DCTN1: variants seen among roughly 807,000 people sequenced by gnomAD.
DCTN1 encodes 150 kDa dynein-associated polypeptide.
A neutral mutation model predicts 161.2 loss-of-function variants in DCTN1; 61 were observed. The observed-to-expected ratio is 0.38, with a 90% confidence interval of 0.31 to 0.47. DCTN1 has a LOEUF of 0.47. DCTN1 is among the 20% of genes least tolerant of loss of function. DCTN1 has a pLI of 0.99. For synonymous variants in DCTN1, 653 were observed against 632.4 expected (o/e 1.03, Z -0.49); for missense variants, 1,404 against 1,623.7 (o/e 0.86, Z 2.33).
At position 74,367,953 on chromosome 2, in the gene DCTN1, G is replaced by A; in HGVS notation, c.2015+18C>T. The A allele has an allele frequency of 1.2e-6, 2 of 1,614,216 alleles. No homozygotes were observed. The highest frequency in any genetic ancestry group is 2.2e-5 in the South Asian group (2 of 91,082). ...CCTGGACCCCCACCCTGGGGTGAGG[G>A]AGTCAGGAGTCACTTACTGCTCATA... On this transcript the variant is annotated intron_variant, in intron 17 of 31. Transcript: ENST00000628224.
At position 74,366,846 on chromosome 2, in the gene DCTN1, G is replaced by C. The variant is rs1674451242; in HGVS notation, c.2403C>G (p.Ile801Met). 8 of 1,614,106 alleles carry C rather than the reference G, an allele frequency of 5.0e-6. No homozygotes were observed. Among genetic ancestry groups the C allele is most frequent in the Admixed American group, 1.7e-5 (1 of 60,004 alleles). ...CATCTGTCCCTGGCATTCGCCTTCG[G>C]ATCTTCTTGCAGAACTGGCGGATGT... Reference protein sequence around the residue: ...CSDIRQFCKKIRRRMPGTDAP... With the variant: ...CSDIRQFCKKMRRRMPGTDAP... Residue 801 changes from isoleucine (I) to methionine (M), a missense_variant, in exon 21 of 32, where the codon ATC becomes ATG. Physicochemically the swap from Ile to Met is conservative, Grantham distance 10. Coordinates refer to ENST00000628224, the MANE Select transcript of DCTN1 (RefSeq NM_004082.5).
Position 74,361,241 on chromosome 2 carries a change from A to C in DCTN1, c.*258T>G. 2 of 620,712 alleles carry C rather than the reference A, an allele frequency of 3.2e-6. No individual in the cohort carries two copies. The highest frequency in any genetic ancestry group is 3.3e-5 in the East Asian group (1 of 29,874). 38.5% of individuals were successfully genotyped at this position (620,712 alleles called of 1,614,324 possible). ...ACCTTTGGTGGTGGGGTCTCAGCCT[A>C]CCCCCCACAAGCCCTGAGGCCCCTC... On this transcript the variant is annotated 3_prime_UTR_variant, in exon 32 of 32. Transcript: ENST00000628224.
chr2:74,370,231 C>T lies in DCTN1; in HGVS notation c.1242G>A (p.Glu414=), dbSNP rs1313572246. 1 of 1,614,022 alleles carries T rather than the reference C, an allele frequency of 6.2e-7. No homozygotes were observed. Among genetic ancestry groups the T allele is most frequent in the African/African-American group, 1.3e-5 (1 of 75,062 alleles). The stretch of plus-strand genomic sequence containing the variant: ...TGGTGCTCTCTGCCTGGCTTAGCTC[C>T]TCCTGCAGACGCTCCCGCTGTTGCC... ...VVRQQRERLQ[E]ELSQAESTID... is the part of the protein sequence containing the mutation. Residue 414 remains glutamate, a synonymous_variant, in exon 12 of 32, where the codon GAG becomes GAA. Transcript: ENST00000628224. The surrounding 1 kb of genome is among the most constrained non-coding windows in gnomAD (Gnocchi z 4.4).
At chr2:74,390,999 T>C (rs568627728) in intron 1 of DCTN1, among the ~76,000 whole-genome samples, 1 of 152,340 alleles carries the variant, frequency 6.6e-6, no homozygotes, top group South Asian at 2.1e-4. Context: ...TATTAAAGGC[T>C]CTGCAATATT....
intron 1 of DCTN1, chr2:74,385,542 C>T (rs1287652510): frequency 2.0e-5 from 3 of 152,282 alleles, no homozygotes; most frequent in Non-Finnish European, 4.4e-5. Context: ...AAGCCACAGC[C>T]CTATCGGCTG....
At position 74,367,790 on chromosome 2, in the gene DCTN1, C is replaced by T. The variant is rs758712765; in HGVS notation, c.2090G>A (p.Arg697His). 1.5e-5 allele frequency: 25 copies of T among 1,614,020 alleles called. No individual in the cohort carries two copies. Among genetic ancestry groups the T allele is most frequent in the African/African-American group, 9.3e-5 (7 of 74,882 alleles). The change falls in exon 18 of 32, where the codon CGC becomes CAC. Residue 697 changes from arginine to histidine, a missense_variant. By Grantham distance (29) the Arg-to-His change is conservative. Coordinates refer to ENST00000628224, the MANE Select transcript of DCTN1 (RefSeq NM_004082.5). Reference protein sequence around the residue: ...SLYPEMSAHERSLDFLIELLH... With the variant: ...SLYPEMSAHEHSLDFLIELLH... ...CAGTTCAATGAGGAAATCCAAGGAG[C>T]GCTCATGGGCACTCATCTCAGGGTA...
upstream of DCTN1, among the ~76,000 whole-genome samples, chr2:74,381,140 C>G (rs1675492619): frequency 6.6e-6 from 1 of 152,214 alleles, no homozygotes; most frequent in Non-Finnish European, 1.5e-5. Context: ...ATTATGCATT[C>G]TAATGAGAGG....
At chr2:74,373,198 C>T in intron 6 of DCTN1, 1 of 572,646 alleles carries the variant, frequency 1.7e-6, no homozygotes, top group East Asian at 3.0e-5. Context: ...CAGGCCTCAC[C>T]CCTTCAGACA....
chr2:74,387,754 C>A (rs1407484917), intron 1 of DCTN1, among the ~76,000 whole-genome samples: 2 of 148,082 alleles, frequency 1.4e-5, no homozygotes, highest in Non-Finnish European at 2.9e-5. Context: ...CCCGATGTCC[C>A]TGAACCAGGT....
At chr2:74,375,524 G>A (rs1675171104) in intron 5 of DCTN1, among the ~76,000 whole-genome samples, 1 of 152,218 alleles carries the variant, frequency 6.6e-6, no homozygotes, top group Admixed American at 6.5e-5. Context: ...TCCCCAGGCA[G>A]CTGCCAAAGC....
intron 3 of DCTN1, 49 bp from the exon 4 acceptor site, chr2:74,377,515 G>T (rs749007589): frequency 2.2e-5 from 34 of 1,568,296 alleles, no homozygotes; most frequent in Non-Finnish European, 3.0e-5. Flanking sequence ...AGAGAGGTAG[G>T]GGGAGATATA....
intron 1 of DCTN1, among the ~76,000 whole-genome samples, chr2:74,388,366 T>C (rs542700619): frequency 1.3e-5 from 2 of 152,290 alleles, no homozygotes; most frequent in South Asian, 2.1e-4. Context: ...AGCATAGTGA[T>C]ACCCCATCTC....
At chr2:74,362,550 T>C (rs1310119951) in intron 30 of DCTN1, 100 bp downstream of exon 30, 14 of 1,268,034 alleles carry the variant, frequency 1.1e-5, no homozygotes, top group East Asian at 5.0e-5. Context: ...TCCTCCCCAA[T>C]TGCTGTCTAG....
At chr2:74,364,785 A>G (rs966616729) in intron 26 of DCTN1, 1 of 460,818 alleles carries the variant, frequency 2.2e-6, no homozygotes, top group African/African-American at 2.0e-5. Flanking sequence ...GGCTGGGCAG[A>G]AAGGTCAGAT....
chr2:74,371,971 A>C, intron 7 of DCTN1: 1 of 521,002 alleles, frequency 1.9e-6, no homozygotes. Context: ...GAGGGAGGAA[A>C]AGATAAGAGA....
chr2:74,376,646 C>T, intron 5 of DCTN1, 96 bp downstream of exon 5: 3 of 1,233,864 alleles, frequency 2.4e-6, no homozygotes, highest in African/African-American at 1.5e-5. Context: ...CCCAAGGTCA[C>T]ACACACATGC....
intron 1 of DCTN1, among the ~76,000 whole-genome samples, chr2:74,390,119 T>C (rs1675927050): frequency 1.3e-5 from 2 of 152,164 alleles, no homozygotes; most frequent in African/African-American, 2.4e-5. Context: ...ACACCCATCC[T>C]TCAAAGTCCA....
intron 1 of DCTN1, among the ~76,000 whole-genome samples, chr2:74,387,824 TAA>T (rs1476141956): frequency 6.6e-6 from 1 of 152,208 alleles, no homozygotes; most frequent in Non-Finnish European, 1.5e-5. Context: ...TCTTCCTGCC[TAA>T]AAGTCTCCAG....
upstream of DCTN1, chr2:74,380,440 T>C: frequency 2.1e-6 from 1 of 485,874 alleles, no homozygotes; most frequent in Non-Finnish European, 4.2e-6. Flanking sequence ...AACTCTTGAA[T>C]ACACTGTCCT....
Sources: gnomAD v4.1 joint callset for allele counts (sites outside exome capture counted in the v4.1 genomes callset) on GRCh38, gnomAD v4.1.1 for gene constraint, Gnocchi (gnomAD v3.1) non-coding constraint, MANE v1.5 for transcripts, NCBI Gene and HGNC (gene_info 2026-07-23, HGNC 2026-07-21) for gene names.